GARNL3: variants seen among roughly 807,000 people sequenced by gnomAD.
GARNL3 encodes the protein GTPase-activating Rap/Ran-GAP domain-like protein 3.
Under a neutral mutation model 125.0 loss-of-function variants are expected in GARNL3, and 63 were observed. That is an observed-to-expected ratio of 0.50 (90% CI 0.41 to 0.62). GARNL3 has a LOEUF of 0.62. Ranked by LOEUF, GARNL3 falls within the 20% of genes least tolerant of loss-of-function variation. The pLI, the probability that GARNL3 is intolerant of heterozygous loss-of-function variation, is 0.00. For missense variants in GARNL3, 994 were observed against 1,244.0 expected, an observed-to-expected ratio of 0.80 and a Z score of 3.02; for synonymous variants, 439 against 457.5, an observed-to-expected ratio of 0.96 and a Z score of 0.52.
chr9:127,382,077 G>A (rs1832292878), intron 22 of GARNL3, among the ~76,000 whole-genome samples: 1 of 152,082 alleles, frequency 6.6e-6, no homozygotes, highest in Non-Finnish European at 1.5e-5. Context: ...GGGGCGAGTG[G>A]ATCACTTGAG....
At chr9:127,306,134 A>G (rs2064947241) in intron 2 of GARNL3, among the ~76,000 whole-genome samples, 2 of 152,208 alleles carry the variant, frequency 1.3e-5, no homozygotes, top group Non-Finnish European at 2.9e-5. Context: ...TCCCCTTGGA[A>G]ATCTGCTAAA....
chr9:127,283,527 A>C (rs1279795816), intron 1 of GARNL3, among the ~76,000 whole-genome samples: 1 of 152,168 alleles, frequency 6.6e-6, no homozygotes, highest in Non-Finnish European at 1.5e-5. Context: ...AAAAGTAGCC[A>C]AGCGTGGTGG....
chr9:127,391,533 A>AAAAAAT, intron 27 of GARNL3, among the ~76,000 whole-genome samples: 6 of 75,846 alleles, frequency 7.9e-5, no homozygotes, highest in African/African-American at 2.0e-4. Flanking sequence ...ACAAAAAAAA[A>AAAAAAT]ATATATATAT....
chr9:127,378,587 C>CAAAAAA (rs60768775), intron 22 of GARNL3, among the ~76,000 whole-genome samples: 1 of 104,084 alleles, frequency 9.6e-6, no homozygotes. Context: ...AACTCCGTCA[C>CAAAAAA]AAAAAAAAAA....
chr9:127,270,847 A>C (rs2063806731), intron 1 of GARNL3, among the ~76,000 whole-genome samples: 2 of 152,196 alleles, frequency 1.3e-5, no homozygotes, highest in African/African-American at 4.8e-5. Context: ...CTGGCCCCCC[A>C]GTCCCCATGG....
intron 6 of GARNL3, among the ~76,000 whole-genome samples, chr9:127,324,416 A>G (rs1404211911): frequency 6.6e-6 from 1 of 152,108 alleles, no homozygotes; most frequent in Non-Finnish European, 1.5e-5. Flanking sequence ...CTTGGGCCAG[A>G]AGGAGGATGA....
chr9:127,388,856 G>A (rs769511922), intron 25 of GARNL3, 48 bp from the exon 26 acceptor site: 11 of 1,083,222 alleles, frequency 1.0e-5, no homozygotes, highest in Middle Eastern at 2.0e-4. Context: ...TGTAAATAAT[G>A]TGCACTTTTC....
At chr9:127,378,910 G>A (rs1832091229) in intron 22 of GARNL3, among the ~76,000 whole-genome samples, 1 of 152,084 alleles carries the variant, frequency 6.6e-6, no homozygotes. Flanking sequence ...CGAGTAGCTG[G>A]GATTACAGGT....
chr9:127,234,499 A>G (rs1363413918), intron 1 of GARNL3, among the ~76,000 whole-genome samples: 1 of 152,190 alleles, frequency 6.6e-6, no homozygotes, highest in Non-Finnish European at 1.5e-5. Context: ...ATGTGGGAAA[A>G]TAGAAACCCC....
chr9:127,254,744 G>A (rs1302978181), intron 2 of GARNL3, among the ~76,000 whole-genome samples: 3 of 151,612 alleles, frequency 2.0e-5, no homozygotes, highest in Admixed American at 6.6e-5. Flanking sequence ...ACTCCAGCCT[G>A]GGTGACAGAG....
At chr9:127,264,610 C>T, upstream of GARNL3, 1 of 1,097,626 alleles carries the variant, frequency 9.1e-7, no homozygotes, top group Non-Finnish European at 1.1e-6. Flanking sequence ...AAGTTTACTG[C>T]AGGGCTTCTC....
At chr9:127,330,783 G>A (rs1046461163) in intron 7 of GARNL3, among the ~76,000 whole-genome samples, 1 of 152,152 alleles carries the variant, frequency 6.6e-6, no homozygotes, top group African/African-American at 2.4e-5. Flanking sequence ...AGTCATCCCC[G>A]GAACTGTGGA....
At chr9:127,260,466 T>C (rs1200438024), upstream of GARNL3, among the ~76,000 whole-genome samples, 2 of 152,204 alleles carry the variant, frequency 1.3e-5, no homozygotes, top group Non-Finnish European at 2.9e-5. Context: ...GTGTCAGAAT[T>C]TTCTTCACTG....
intron 16 of GARNL3, among the ~76,000 whole-genome samples, chr9:127,348,438 C>G (rs1830257639): frequency 6.6e-6 from 1 of 152,168 alleles, no homozygotes; most frequent in Non-Finnish European, 1.5e-5. Context: ...GGTCAATAGG[C>G]ATTTTCACGT....
intron 22 of GARNL3, 51 bp from the exon 23 acceptor site, chr9:127,383,387 C>A: frequency 2.7e-6 from 3 of 1,110,784 alleles, no homozygotes; most frequent in South Asian, 2.7e-5. Flanking sequence ...TAATTACAGT[C>A]ATCTAAGTGT....
At chr9:127,391,533 A>AATATATAT (rs1554741684) in intron 27 of GARNL3, among the ~76,000 whole-genome samples, 94 of 75,282 alleles carry the variant, frequency 1.2e-3, no homozygotes, top group East Asian at 8.5e-3. Context: ...ACAAAAAAAA[A>AATATATAT]ATATATATAT....
In GARNL3 at chr9:127,338,181, C is replaced by T. The variant is rs1829657691; in HGVS notation, c.1028+20C>T. On this transcript the variant is annotated intron_variant, in intron 12 of 27. Transcript: ENST00000373387. ...TTACAGGTAGGTAATGACTTTGTCT[C>T]GATTGCTTGTCCTAATTCTCATGCT... is the stretch of plus-strand genomic sequence containing the variant. 1 of 1,574,652 alleles carries T rather than the reference C, an allele frequency of 6.4e-7. No individual in the cohort carries two copies. The highest frequency in any genetic ancestry group is 8.7e-7 in the Non-Finnish European group (1 of 1,144,074).
chr9:127,346,223 G>T (rs567912064), intron 16 of GARNL3, among the ~76,000 whole-genome samples: 96 of 152,300 alleles, frequency 6.3e-4, no homozygotes, highest in Non-Finnish European at 1.1e-3. Context: ...AGTACCCCAT[G>T]TACTTAATTA....
chr9:127,358,296 A>G (rs1160198620), intron 21 of GARNL3, among the ~76,000 whole-genome samples: 1 of 152,232 alleles, frequency 6.6e-6, no homozygotes, highest in Admixed American at 6.5e-5. Context: ...GAGGCAGGAC[A>G]AGGCCTGCTT....
Sources: allele counts gnomAD v4.1 joint callset (sites outside exome capture counted in the v4.1 genomes callset), GRCh38; gene constraint gnomAD v4.1.1; transcripts MANE v1.5; gene names NCBI Gene and HGNC (gene_info 2026-07-23, HGNC 2026-07-21).